Variants in KIF13B observed in about 807,000 individuals in gnomAD.
The protein encoded by KIF13B is kinesin family member 13B.
A neutral mutation model predicts 222.0 loss-of-function variants in KIF13B; 127 were observed. That is an observed-to-expected ratio of 0.57 (90% CI 0.50 to 0.66). KIF13B has a LOEUF of 0.66. KIF13B is among the 30% of genes least tolerant of loss of function. The pLI, the probability that KIF13B is intolerant of heterozygous loss-of-function variation, is 0.00. For synonymous variants in KIF13B, 976 were observed against 919.0 expected, an observed-to-expected ratio of 1.06 and a Z score of -1.12; for missense variants, 2,173 against 2,379.0, an observed-to-expected ratio of 0.91 and a Z score of 1.80.
intron 2 of KIF13B, among the ~76,000 whole-genome samples, chr8:29,204,767 G>C (rs1403651947): frequency 6.8e-6 from 1 of 147,148 alleles, no homozygotes; most frequent in Admixed American, 6.7e-5. Context: ...TTCGGCCACA[G>C]ACCAAAAAAA....
At chr8:29,085,431 C>G (rs1425622153) in intron 37 of KIF13B, among the ~76,000 whole-genome samples, 2 of 152,124 alleles carry the variant, frequency 1.3e-5, no homozygotes, top group African/African-American at 4.8e-5. Context: ...AAAAACAGGA[C>G]CCATTCTATT....
At chr8:29,075,382 A>T in intron 37 of KIF13B, 39 bp from the exon 38 acceptor site, 1 of 1,533,808 alleles carries the variant, frequency 6.5e-7, no homozygotes. Flanking sequence ...TCGAGAGGAC[A>T]GAACAGGGGT....
chr8:29,115,314 T>TAA (rs201922525), intron 31 of KIF13B, among the ~76,000 whole-genome samples: 19 of 147,406 alleles, frequency 1.3e-4, no homozygotes, highest in Admixed American at 2.0e-4. Flanking sequence ...GCAAAACCAG[T>TAA]AAAAAAAAAG....
Position 29,078,296 on chromosome 8 carries a change from C to T in KIF13B, c.4459-2953G>A, listed in dbSNP as rs538140356. 3.0e-5 allele frequency among the ~76,000 whole-genome samples: 4 copies of T among 132,314 alleles called. No homozygotes were observed. In the South Asian group the frequency reaches 7.4e-4, roughly 25 times the overall value. The allele number at this position is 132,314 out of a possible 152,430, so 86.8% of individuals were successfully genotyped here. A position where few individuals can be genotyped will look rare whatever the true frequency, so the allele number is the denominator to read the frequency against. On this transcript the variant is annotated intron_variant, in intron 37 of 39. Coordinates refer to ENST00000524189, the MANE Select transcript of KIF13B (RefSeq NM_015254.4). The stretch of plus-strand genomic sequence containing the variant: ...CTGGCCAACAATAGCAAAACTCCAT[C>T]TCAAAAAAAAAAAAAAAGAGAGAGG...
intron 10 of KIF13B, among the ~76,000 whole-genome samples, chr8:29,170,745 G>T (rs763836378): frequency 8.5e-5 from 13 of 152,142 alleles, no homozygotes; most frequent in African/African-American, 1.2e-4. Context: ...AAAGGGGTCA[G>T]CTCATAAAGG....
chr8:29,093,833 C>G (rs182150039), intron 36 of KIF13B, among the ~76,000 whole-genome samples: 1 of 151,550 alleles, frequency 6.6e-6, no homozygotes, highest in African/African-American at 2.4e-5. Context: ...ATGGCTATAC[C>G]GAGCCGAGAG....
chr8:29,197,908 T>C (rs992841651), intron 2 of KIF13B, among the ~76,000 whole-genome samples: 3 of 152,198 alleles, frequency 2.0e-5, no homozygotes, highest in African/African-American at 7.2e-5. Context: ...TGGAATAAAA[T>C]AGGAACAATA....
chr8:29,198,058 G>A (rs892095020), intron 2 of KIF13B, among the ~76,000 whole-genome samples: 4 of 152,132 alleles, frequency 2.6e-5, no homozygotes, highest in African/African-American at 9.7e-5. Flanking sequence ...TCTTCTAAAA[G>A]AAATTTAATA....
chr8:29,224,851 T>A (rs767491304), intron 2 of KIF13B, among the ~76,000 whole-genome samples: 6 of 152,240 alleles, frequency 3.9e-5, no homozygotes, highest in Non-Finnish European at 5.9e-5. Flanking sequence ...TTTTTGGGTA[T>A]AATTTAATAG....
rs1352269446 is a variant in KIF13B at position 29,142,303 on chromosome 8, G to A, written c.2188C>T (p.Arg730Ter). ...PASSLDANRK[R>*]GSLLSEPAIQ... ...GCAGGCTCACTAAGAAGAGAGCCTC[G>A]CTGCAAAGAGAGTAAGAATGACCGT... The change falls in exon 19 of 40, where the codon CGA (arginine) becomes TGA (stop). Residue 730 changes from arginine to a stop codon, truncating the protein, a stop_gained and splice_region_variant. Transcript: ENST00000524189. LOFTEE classifies it high-confidence loss of function. The A allele has an allele frequency of 1.9e-6, 3 of 1,609,460 alleles. No homozygotes were observed. The highest frequency in any genetic ancestry group is 1.7e-5 in the Admixed American group (1 of 59,200).
At chr8:29,250,763 C>T (rs564879364) in intron 1 of KIF13B, among the ~76,000 whole-genome samples, 1 of 152,248 alleles carries the variant, frequency 6.6e-6, no homozygotes, top group East Asian at 1.9e-4. Context: ...GCAGTGAGAT[C>T]TGAAGCAAGC....
chr8:29,124,089 A>G lies in KIF13B; in HGVS notation c.3287T>C (p.Leu1096Pro). ...CTCCTGACGTTTTGTTAATGCATTT[A>G]GCCATTTTCTACGAAGTCTCTCTAA... Reference protein sequence around the residue: ...RDLERLRRKWLNALTKRQEYL... With the variant: ...RDLERLRRKWPNALTKRQEYL... Residue 1096 changes from leucine (L) to proline (P), a missense_variant, in exon 27 of 40, where the codon CTA becomes CCA. Coordinates refer to ENST00000524189, the MANE Select transcript of KIF13B (RefSeq NM_015254.4). 6.2e-7 allele frequency: 1 copy of G among 1,612,912 alleles called. No individual in the cohort carries two copies. The highest frequency in any genetic ancestry group is 8.5e-7 in the Non-Finnish European group (1 of 1,179,008).
At chr8:29,075,181 T>C in intron 38 of KIF13B, 100 bp downstream of exon 38, 5 of 881,376 alleles carry the variant, frequency 5.7e-6, no homozygotes, top group South Asian at 5.7e-5. Flanking sequence ...AAAACAGGAA[T>C]GCTAACATCA....
At chr8:29,165,471 T>C (rs76206602) in intron 12 of KIF13B, among the ~76,000 whole-genome samples, 191 bp downstream of exon 12, 2 of 152,158 alleles carry the variant, frequency 1.3e-5, no homozygotes, top group Non-Finnish European at 2.9e-5. Flanking sequence ...AACAATCAAG[T>C]GCAATTATAT....
At chr8:29,127,012 A>C in intron 25 of KIF13B, 110 bp downstream of exon 25, 11 of 955,044 alleles carry the variant, frequency 1.2e-5, no homozygotes, top group Non-Finnish European at 1.7e-5. Flanking sequence ...AGGTAAACAA[A>C]GAGATTCACG....
chr8:29,188,588 C>G lies in KIF13B; in HGVS notation c.243G>C (p.Lys81Asn). ...EKYAGQDIVF[K>N]CLGENILQNA... The stretch of plus-strand genomic sequence containing the variant: ...TCTGCAGGATATTCTCTCCAAGGCA[C>G]TTGAAAACAATATCTTGACCTGAGA... The change falls in exon 5 of 40, where the codon AAG (lysine) becomes AAC (asparagine). Residue 81 changes from lysine (K) to asparagine (N), a missense_variant. Transcript: ENST00000524189. 1 of 1,610,616 alleles carries G rather than the reference C, an allele frequency of 6.2e-7. No homozygotes were observed.
intron 1 of KIF13B, among the ~76,000 whole-genome samples, 180 bp downstream of exon 1, chr8:29,262,800 G>A (rs1816733910): frequency 6.6e-6 from 1 of 151,204 alleles, no homozygotes; most frequent in Non-Finnish European, 1.5e-5. Context: ...GGAAGGGAGG[G>A]GAGAAGAGGG....
At chr8:29,155,935 T>A (rs1273303399) in intron 13 of KIF13B, 79 bp from the exon 14 acceptor site, 1 of 1,159,496 alleles carries the variant, frequency 8.6e-7, no homozygotes, top group Middle Eastern at 2.8e-4. Flanking sequence ...TGAGCCCTCT[T>A]ATATTGTCCT....
At chr8:29,085,497 A>G (rs1808001998) in intron 37 of KIF13B, among the ~76,000 whole-genome samples, 1 of 151,270 alleles carries the variant, frequency 6.6e-6, no homozygotes, top group African/African-American at 2.4e-5. Flanking sequence ...TTTTTATTTT[A>G]TTTTTGAGAC....
Sources: allele counts gnomAD v4.1 joint callset (sites outside exome capture counted in the v4.1 genomes callset), GRCh38; gene constraint gnomAD v4.1.1; transcripts MANE v1.5; gene names NCBI Gene and HGNC (gene_info 2026-07-23, HGNC 2026-07-21).